The following TEX11 variants were observed in gnomAD, a reference collection of about 807,000 sequenced individuals.
The protein encoded by TEX11 is testis-expressed protein 11.
A neutral mutation model predicts 84.4 loss-of-function variants in TEX11; 7 were observed. The ratio of observed to expected loss-of-function variants is 0.08; its 90% CI spans 0.05 to 0.16. The LOEUF (loss-of-function observed/expected upper bound fraction) is 0.16, where lower values mean the gene tolerates loss of function less well. TEX11 is among the 10% of genes least tolerant of loss of function. The pLI is 1.00. For missense variants in TEX11, 551 were observed against 660.5 expected, an observed-to-expected ratio of 0.83 and a Z score of 1.82; for synonymous variants, 264 against 222.8, an observed-to-expected ratio of 1.18 and a Z score of -1.64.
intron 2 of TEX11, among the ~76,000 whole-genome samples, chrX:70,888,704 A>C (rs1309464488): frequency 1.8e-5 from 2 of 111,963 alleles, no homozygotes; most frequent in Non-Finnish European, 3.8e-5. Flanking sequence ...TTAGAGAAAG[A>C]TATCAATATC....
chrX:70,559,946 G>A (rs529492278), intron 25 of TEX11, among the ~76,000 whole-genome samples: 1 of 111,026 alleles, frequency 9.0e-6, no homozygotes, highest in South Asian at 3.8e-4. Flanking sequence ...TTTCCAAAGT[G>A]GTTGTACCAA....
At chrX:70,522,756 T>C in the TEX11 span, among the ~76,000 whole-genome samples, 2 of 109,362 alleles carry the variant, frequency 1.8e-5, no homozygotes, top group Non-Finnish European at 3.8e-5. Flanking sequence ...TTGGTCAGGC[T>C]GGTCTTGAAC....
chrX:70,562,663 G>C (rs753712808), intron 25 of TEX11, among the ~76,000 whole-genome samples: 1 of 112,031 alleles, frequency 8.9e-6, no homozygotes, highest in Non-Finnish European at 1.9e-5. Flanking sequence ...TCCACATCCT[G>C]ATTGATTTAT....
At chrX:70,863,687 A>G (rs2091582579) in intron 4 of TEX11, among the ~76,000 whole-genome samples, 1 of 111,224 alleles carries the variant, frequency 9.0e-6, no homozygotes, top group African/African-American at 3.3e-5. Flanking sequence ...AATGATCGCA[A>G]CTCCTCTCCA....
chrX:70,722,565 G>A (rs576049839), intron 13 of TEX11, 53 bp downstream of exon 13: 1 of 1,034,150 alleles, frequency 9.7e-7, no homozygotes, highest in East Asian at 3.1e-5. Context: ...GTGAGCCACT[G>A]GTGCCTAGCC....
chrX:70,849,244 C>G (rs2147849642), intron 7 of TEX11, among the ~76,000 whole-genome samples: 1 of 112,024 alleles, frequency 8.9e-6, no homozygotes, highest in Non-Finnish European at 1.9e-5. Context: ...ACCTATCTCT[C>G]AAACTAGCTT....
intron 25 of TEX11, among the ~76,000 whole-genome samples, chrX:70,566,891 T>G (rs1247001071): frequency 3.0e-4 from 33 of 111,758 alleles, no homozygotes; most frequent in Admixed American, 2.6e-3. Flanking sequence ...TCTGCCCGGC[T>G]TTGGTATCAG....
chrX:70,881,592 C>T (rs747976665), intron 2 of TEX11, among the ~76,000 whole-genome samples: 1 of 110,904 alleles, frequency 9.0e-6, no homozygotes, highest in Non-Finnish European at 1.9e-5. Flanking sequence ...AAAAATAAAT[C>T]AGCTACAAAA....
At chrX:70,578,518 T>C (rs911486750) in intron 25 of TEX11, among the ~76,000 whole-genome samples, 5 of 111,956 alleles carry the variant, frequency 4.5e-5, no homozygotes, top group Non-Finnish European at 9.4e-5. Flanking sequence ...TACTCTTAAC[T>C]TATAGCTGAA....
chrX:70,574,504 G>A (rs755692181), intron 25 of TEX11, among the ~76,000 whole-genome samples: 1 of 111,503 alleles, frequency 9.0e-6, no homozygotes, highest in Admixed American at 9.6e-5. Flanking sequence ...TAAATTGTGA[G>A]CTCTCCCAAG....
intron 25 of TEX11, among the ~76,000 whole-genome samples, chrX:70,580,152 A>G (rs1258539598): frequency 1.8e-5 from 2 of 112,481 alleles, no homozygotes; most frequent in Non-Finnish European, 3.8e-5. Flanking sequence ...GTCATTTGCA[A>G]CAATATGAAT....
At chrX:70,704,330 T>C (rs1290120678) in intron 13 of TEX11, among the ~76,000 whole-genome samples, 2 of 110,971 alleles carry the variant, frequency 1.8e-5, no homozygotes, top group Admixed American at 1.9e-4. Context: ...AATGGACTAA[T>C]ATACTCCCCA....
chrX:70,877,606 T>C (rs919512846), intron 3 of TEX11, among the ~76,000 whole-genome samples: 1 of 111,941 alleles, frequency 8.9e-6, no homozygotes, highest in African/African-American at 3.2e-5. Flanking sequence ...TTATTCACAA[T>C]AGGCAAAAGG....
intron 28 of TEX11, among the ~76,000 whole-genome samples, chrX:70,548,720 C>T (rs2088172308): frequency 8.9e-6 from 1 of 111,977 alleles, no homozygotes; most frequent in Non-Finnish European, 1.9e-5. Context: ...TAGACCAGCC[C>T]TAGCTAGAGA....
intron 18 of TEX11, among the ~76,000 whole-genome samples, chrX:70,627,666 C>A (rs1418512725): frequency 9.0e-6 from 1 of 111,321 alleles, no homozygotes; most frequent in Non-Finnish European, 1.9e-5. Context: ...CAATGTTTTG[C>A]CTGCTTAATA....
intron 9 of TEX11, among the ~76,000 whole-genome samples, chrX:70,805,874 T>C (rs2091216173): frequency 8.9e-6 from 1 of 112,461 alleles, no homozygotes; most frequent in Admixed American, 9.5e-5. Flanking sequence ...ATTTCCTATA[T>C]TTTTGTATAA....
intron 13 of TEX11, among the ~76,000 whole-genome samples, chrX:70,698,583 C>A (rs2090300658): frequency 1.8e-5 from 2 of 108,510 alleles, no homozygotes; most frequent in Admixed American, 9.9e-5. Context: ...TAGTAGGGGA[C>A]AGGAAAAATT....
intron 20 of TEX11, among the ~76,000 whole-genome samples, chrX:70,613,009 G>A (rs1204642839): frequency 8.9e-6 from 1 of 111,790 alleles, no homozygotes; most frequent in Non-Finnish European, 1.9e-5. Context: ...ACACAAAAAA[G>A]AAGAGACTGA....
intron 13 of TEX11, among the ~76,000 whole-genome samples, 181 bp downstream of exon 13, chrX:70,722,437 A>G (rs571002705): frequency 1.8e-5 from 2 of 108,415 alleles, no homozygotes; most frequent in South Asian, 8.2e-4. Flanking sequence ...ATACCAGCCA[A>G]TTTTTTAAAA....
Sources: allele counts gnomAD v4.1 joint callset (sites outside exome capture counted in the v4.1 genomes callset), GRCh38; gene constraint gnomAD v4.1.1; transcripts MANE v1.5; gene names NCBI Gene and HGNC (gene_info 2026-07-23, HGNC 2026-07-21).